CDK15: variants seen among roughly 807,000 people sequenced by gnomAD.
CDK15 encodes the protein cyclin-dependent kinase 15.
A neutral mutation model predicts 60.3 loss-of-function variants in CDK15; 62 were observed. The ratio of observed to expected loss-of-function variants is 1.03; its 90% confidence interval spans 0.84 to 1.27. The LOEUF (loss-of-function observed/expected upper bound fraction) is 1.27. Ranked by LOEUF, CDK15 falls within the 50% of genes most tolerant of loss-of-function variation. The pLI is 0.00. For synonymous variants in CDK15, 194 were observed against 195.7 expected, an observed-to-expected ratio of 0.99 and a Z score of 0.07; for missense variants, 541 against 527.8, an observed-to-expected ratio of 1.03 and a Z score of -0.25.
chr2:201,887,201 G>T (rs576519192), intron 12 of CDK15, among the ~76,000 whole-genome samples: 1 of 152,284 alleles, frequency 6.6e-6, no homozygotes, highest in Admixed American at 6.5e-5. Context: ...ATCATTAATA[G>T]AATTGTGTGA....
chr2:201,865,895 A>C (rs1016842872), intron 10 of CDK15, among the ~76,000 whole-genome samples: 11 of 144,786 alleles, frequency 7.6e-5, no homozygotes, highest in East Asian at 3.9e-4. Context: ...ATCTCAACAA[A>C]AAAAAAAAAA....
intron 12 of CDK15, among the ~76,000 whole-genome samples, chr2:201,885,271 T>C (rs910271202): frequency 6.6e-6 from 1 of 152,124 alleles, no homozygotes; most frequent in Non-Finnish European, 1.5e-5. Flanking sequence ...ACCTATTCTG[T>C]TTATTGGTTT....
intron 8 of CDK15, among the ~76,000 whole-genome samples, chr2:201,843,856 T>C (rs1357478904): frequency 6.6e-6 from 1 of 152,054 alleles, no homozygotes; most frequent in African/African-American, 2.4e-5. Flanking sequence ...CAATATATTT[T>C]ACATAATTTT....
chr2:201,858,061 C>T (rs781576822), intron 10 of CDK15, among the ~76,000 whole-genome samples: 2 of 152,082 alleles, frequency 1.3e-5, no homozygotes, highest in African/African-American at 2.4e-5. Flanking sequence ...TCCAGTTGTC[C>T]GGAACTTGGG....
chr2:201,872,615 G>T (rs1217587556), intron 11 of CDK15, among the ~76,000 whole-genome samples: 1 of 151,784 alleles, frequency 6.6e-6, no homozygotes, highest in African/African-American at 2.4e-5. Context: ...AACCTAGTGG[G>T]TTTATTATTC....
At chr2:201,810,536 T>C (rs894133042) in intron 3 of CDK15, among the ~76,000 whole-genome samples, 1 of 152,000 alleles carries the variant, frequency 6.6e-6, no homozygotes, top group South Asian at 2.1e-4. Context: ...AAAATAAATA[T>C]CTATGAGTCC....
intron 6 of CDK15, among the ~76,000 whole-genome samples, chr2:201,829,326 C>T (rs1696648358): frequency 6.6e-6 from 1 of 152,088 alleles, no homozygotes; most frequent in Admixed American, 6.6e-5. Flanking sequence ...CCAGCCTTGA[C>T]AGTGAGGCTA....
At chr2:201,823,862 T>G (rs1260710849) in intron 6 of CDK15, 135 bp downstream of exon 6, 4 of 700,708 alleles carry the variant, frequency 5.7e-6, no homozygotes, top group African/African-American at 5.4e-5. Flanking sequence ...AGAAAAAAGT[T>G]TTGTTTTGTT....
At chr2:201,811,372 G>A (rs1401625799) in intron 3 of CDK15, among the ~76,000 whole-genome samples, 1 of 151,864 alleles carries the variant, frequency 6.6e-6, no homozygotes, top group African/African-American at 2.4e-5. Context: ...GGATGGTCTC[G>A]ATCTCCTGAC....
intron 12 of CDK15, among the ~76,000 whole-genome samples, chr2:201,886,826 TA>T (rs1353269692): frequency 6.6e-6 from 1 of 152,170 alleles, no homozygotes; most frequent in East Asian, 1.9e-4. Context: ...AAATTACCGT[TA>T]AATTAGTTGT....
intron 6 of CDK15, among the ~76,000 whole-genome samples, chr2:201,833,053 GT>G (rs60129144): frequency 0.9 from 137,533 of 152,236 alleles, 62,474 homozygotes; most frequent in East Asian, 1. Context: ...TGGGAACCTA[GT>G]TAATGGCTTT....
chr2:201,855,533 G>A (rs1389540637), intron 10 of CDK15, among the ~76,000 whole-genome samples: 2 of 152,134 alleles, frequency 1.3e-5, no homozygotes, highest in Admixed American at 6.6e-5. Flanking sequence ...AGAAGCTGTC[G>A]CAGGGCCACA....
chr2:201,825,781 C>G (rs1026412979), intron 6 of CDK15, among the ~76,000 whole-genome samples: 4 of 152,030 alleles, frequency 2.6e-5, no homozygotes, highest in Non-Finnish European at 5.9e-5. Flanking sequence ...AAGAGATTAT[C>G]AAGACAGAAG....
At chr2:201,851,667 CTT>C (rs903587073) in intron 9 of CDK15, among the ~76,000 whole-genome samples, 1 of 151,180 alleles carries the variant, frequency 6.6e-6, no homozygotes, top group African/African-American at 2.4e-5. Flanking sequence ...CCTTTGCCCA[CTT>C]TTTTTTTGGA....
chr2:201,849,265 T>C (rs1697802254), intron 9 of CDK15, among the ~76,000 whole-genome samples: 1 of 152,262 alleles, frequency 6.6e-6, no homozygotes, highest in Non-Finnish European at 1.5e-5. Context: ...GCTTGCTTTC[T>C]TCCTGTCCCA....
intron 12 of CDK15, among the ~76,000 whole-genome samples, chr2:201,890,180 C>T (rs181143824): frequency 2.6e-5 from 4 of 152,294 alleles, no homozygotes; most frequent in East Asian, 1.9e-4. Context: ...AACTAACGTC[C>T]GGACTCCTTG....
intron 9 of CDK15, among the ~76,000 whole-genome samples, chr2:201,852,064 C>A (rs151123157): frequency 6.6e-6 from 1 of 152,154 alleles, no homozygotes; most frequent in African/African-American, 2.4e-5. Flanking sequence ...TTTCTCCCAT[C>A]GTAGGTTGTC....
At chr2:201,831,921 GT>G (rs1313073253) in intron 6 of CDK15, among the ~76,000 whole-genome samples, 1 of 152,092 alleles carries the variant, frequency 6.6e-6, no homozygotes, top group Non-Finnish European at 1.5e-5. Context: ...TTGAGCCCTG[GT>G]TTTCTCTGTA....
intron 9 of CDK15, among the ~76,000 whole-genome samples, chr2:201,853,619 G>A (rs1034634685): frequency 2.0e-5 from 3 of 151,974 alleles, no homozygotes; most frequent in Non-Finnish European, 4.4e-5. Context: ...TCTAAGAAAA[G>A]TTATACTGTA....
Sources: gnomAD v4.1 joint callset for allele counts (sites outside exome capture counted in the v4.1 genomes callset) on GRCh38, gnomAD v4.1.1 for gene constraint, MANE v1.5 for transcripts, NCBI Gene and HGNC (gene_info 2026-07-23, HGNC 2026-07-21) for gene names.